The following CLCC1 variants were observed in gnomAD, a reference collection of about 807,000 sequenced individuals.
The protein encoded by CLCC1 is chloride channel CLIC like 1, also known as chloride channel CLIC-like protein 1.
In CLCC1, 39 loss-of-function variants were observed where a neutral mutation model predicts 63.3. That is an observed-to-expected ratio of 0.62 (90% CI 0.48 to 0.81). CLCC1 has a LOEUF of 0.81. Among genes scored for constraint, CLCC1 ranks in the 30% least tolerant of loss-of-function variants. The pLI is 0.00. For synonymous variants in CLCC1, 217 were observed against 239.8 expected, an observed-to-expected ratio of 0.90 and a Z score of 0.88; for missense variants, 549 against 669.4, an observed-to-expected ratio of 0.82 and a Z score of 1.98.
chr1:108,951,824 A>C (rs1009076484), intron 2 of CLCC1, among the ~76,000 whole-genome samples: 46 of 146,762 alleles, frequency 3.1e-4, no homozygotes, highest in African/African-American at 1.2e-3. Context: ...GCTGGAGTGC[A>C]GTGGCACAAT....
At chr1:108,956,890 G>T (rs1765298) in intron 2 of CLCC1, among the ~76,000 whole-genome samples, 985 of 96,080 alleles carry the variant, frequency 0.01, 7 homozygotes, top group East Asian at 0.037. Flanking sequence ...GCAGGGAGGC[G>T]GGGAGGCGGG....
intron 2 of CLCC1, among the ~76,000 whole-genome samples, chr1:108,957,869 A>C (rs1369659724): frequency 6.6e-6 from 1 of 151,418 alleles, no homozygotes; most frequent in Non-Finnish European, 1.5e-5. Flanking sequence ...TGATCTGGGT[A>C]AGATCACCAG....
Position 108,929,938 on chromosome 1 carries a change from T to C in CLCC1, c.*2609A>G. The C allele has an allele frequency of 6.2e-7, 1 of 1,612,784 alleles. No individual in the cohort carries two copies. The highest frequency in any genetic ancestry group is 8.5e-7 in the Non-Finnish European group (1 of 1,178,918). ...TTCAGGGAAAAAATCGGCAGACCAT[T>C]AGTTACTATGGATTTATTTTTTTTC... On this transcript the variant is annotated 3_prime_UTR_variant, in exon 13 of 13. Transcript: ENST00000369969.
In CLCC1 at chr1:108,930,690, A is replaced by C. The variant is rs1651798956; in HGVS notation, c.*1857T>G. 1 of 152,028 alleles carries C rather than the reference A, an allele frequency of 6.6e-6. No homozygotes were observed. Among genetic ancestry groups the C allele is most frequent in the Non-Finnish European group, 1.5e-5 (1 of 68,228 alleles). The allele number at this position is 152,028 out of a possible 1,614,324, so 9.4% of individuals were successfully genotyped here. On this transcript the variant is annotated 3_prime_UTR_variant, in exon 13 of 13. Transcript: ENST00000369969. ...GATCACTTGAGGTCGGGAGTTTGAG[A>C]CCAGCCTGGCCAACATAGTGAAACC... is the stretch of plus-strand genomic sequence containing the variant.
At chr1:108,963,336 A>G (rs1467235006) in intron 1 of CLCC1, 25 bp downstream of exon 1, 1 of 698,588 alleles carries the variant, frequency 1.4e-6, no homozygotes, top group African/African-American at 1.8e-5. Flanking sequence ...CCCGCCGCAC[A>G]ACACACCCAA....
Position 108,963,437 on chromosome 1 carries a change from C to G in CLCC1, c.-249G>C, listed in dbSNP as rs1656944488. 1 of 702,448 alleles carries G rather than the reference C, an allele frequency of 1.4e-6. No homozygotes were observed. The highest frequency in any genetic ancestry group is 2.6e-6 in the Non-Finnish European group (1 of 384,864). 43.5% of individuals were successfully genotyped at this position (702,448 alleles called of 1,614,324 possible). ...GCAGAAGAGGTCGCACAGCTTGCCGCCGCCCAGGGTTTCAGCGTGCTTCCT... is the reference window on the plus strand; with the variant it reads ...GCAGAAGAGGTCGCACAGCTTGCCGGCGCCCAGGGTTTCAGCGTGCTTCCT... On this transcript the variant is annotated 5_prime_UTR_variant, in exon 1 of 13. Coordinates refer to ENST00000369969, the MANE Select transcript of CLCC1 (RefSeq NM_001377458.1).
At chr1:108,933,190 G>C (rs1652312074) in intron 12 of CLCC1, 1 of 74,874 alleles carries the variant, frequency 1.3e-5, no homozygotes, top group Non-Finnish European at 2.7e-5. Context: ...AACACTTCCT[G>C]GATCCAAAAA....
At position 108,943,520 on chromosome 1, in the gene CLCC1, G is replaced by A. The variant is rs1441938153; in HGVS notation, c.657C>T (p.Ile219=). ...TCCATCCCAAACTGAACAGAAAGCTGATGATTAAAACACGTCTCAACTGAG... is the reference window on the plus strand; with the variant it reads ...TCCATCCCAAACTGAACAGAAAGCTAATGATTAAAACACGTCTCAACTGAG... The part of the protein sequence containing the change: ...WYTQLRRVLI[I]SFLFSLGWNW... The change falls in exon 7 of 13, where the codon ATC becomes ATT. Residue 219 remains isoleucine (I), a synonymous_variant. Coordinates refer to ENST00000369969, the MANE Select transcript of CLCC1 (RefSeq NM_001377458.1). 6.2e-7 allele frequency: 1 copy of A among 1,614,078 alleles called. No homozygotes were observed. Among genetic ancestry groups the A allele is most frequent in the Admixed American group, 1.7e-5 (1 of 60,012 alleles).
chr1:108,958,914 C>CTA (rs1195312358), intron 2 of CLCC1, among the ~76,000 whole-genome samples: 1 of 151,222 alleles, frequency 6.6e-6, no homozygotes, highest in African/African-American at 2.5e-5. Context: ...TGGCTCATGC[C>CTA]TATAATCCCA....
Position 108,934,639 on chromosome 1 carries a change from A to G in CLCC1, c.*31T>C. 1.2e-6 allele frequency: 2 copies of G among 1,602,392 alleles called. No homozygotes were observed. Among genetic ancestry groups the G allele is most frequent in the African/African-American group, 2.7e-5 (2 of 74,752 alleles). On this transcript the variant is annotated 3_prime_UTR_variant, in exon 12 of 13. Transcript: ENST00000369969. ...GTATACTTTACAAAGCTCGAAGGAG[A>G]CTTGAGGCTGTCGTTTGTGCTGGTG... is the stretch of plus-strand genomic sequence containing the variant.
intron 4 of CLCC1, among the ~76,000 whole-genome samples, chr1:108,949,060 C>T (rs545151531): frequency 6.6e-6 from 1 of 152,330 alleles, no homozygotes; most frequent in South Asian, 2.1e-4. Context: ...CTTATCCCCC[C>T]TACTTCCCTA....
chr1:108,934,321 G>C (rs754426356), intron 12 of CLCC1: 2 of 219,768 alleles, frequency 9.1e-6, no homozygotes, highest in African/African-American at 4.5e-5. Flanking sequence ...GTGGGTTCCC[G>C]TAAGTGCCTG....
intron 12 of CLCC1, chr1:108,933,608 C>T (rs939506665): frequency 2.6e-5 from 4 of 152,342 alleles, no homozygotes; most frequent in Admixed American, 6.5e-5. Context: ...AGCAGTTGAA[C>T]ATAACTTGTA....
chr1:108,963,327 C>A (rs1439490135), intron 1 of CLCC1, 34 bp downstream of exon 1: 4 of 691,698 alleles, frequency 5.8e-6, no homozygotes, highest in Non-Finnish European at 8.0e-6. Flanking sequence ...CCCGCCCCAC[C>A]CGCCGCACAA....
chr1:108,936,069 A>G (rs1652904168), intron 11 of CLCC1, among the ~76,000 whole-genome samples: 1 of 149,244 alleles, frequency 6.7e-6, no homozygotes, highest in Admixed American at 6.7e-5. Context: ...AAAAGCTGGA[A>G]GGACCATCTT....
chr1:108,944,909 G>T (rs112330393), intron 5 of CLCC1, among the ~76,000 whole-genome samples: 8 of 152,154 alleles, frequency 5.3e-5, no homozygotes, highest in Non-Finnish European at 1.2e-4. Flanking sequence ...GATTACAGGC[G>T]TGAGCCACTG....
rs980382483 is a variant in CLCC1 at position 108,941,684 on chromosome 1, C to T, written c.703-186G>A. 7.2e-5 allele frequency among the ~76,000 whole-genome samples: 11 copies of T among 152,226 alleles called. No individual in the cohort carries two copies. The East Asian group carries it at 7.7e-4, about 11-fold the overall frequency. ...CTCTTTTTTTCCTGAGACGGAGTCT[C>T]GCCCTGTCACCCACGCTGGTGTGCG... is the stretch of plus-strand genomic sequence containing the variant. On this transcript the variant is annotated intron_variant, in intron 7 of 12. Coordinates refer to ENST00000369969, the MANE Select transcript of CLCC1 (RefSeq NM_001377458.1).
At chr1:108,958,936 G>A (rs1656273924) in intron 2 of CLCC1, among the ~76,000 whole-genome samples, 1 of 151,250 alleles carries the variant, frequency 6.6e-6, no homozygotes, top group Non-Finnish European at 1.5e-5. Flanking sequence ...CACTTTGGGA[G>A]GCCGAGGTGG....
intron 10 of CLCC1, among the ~76,000 whole-genome samples, chr1:108,937,793 C>G (rs1653236090): frequency 6.6e-6 from 1 of 152,202 alleles, no homozygotes; most frequent in South Asian, 2.1e-4. Flanking sequence ...AGTTGTATAT[C>G]ATTATGTAAA....
Sources: gnomAD v4.1 joint callset for allele counts (sites outside exome capture counted in the v4.1 genomes callset) on GRCh38, gnomAD v4.1.1 for gene constraint, MANE v1.5 for transcripts, NCBI Gene and HGNC (gene_info 2026-07-23, HGNC 2026-07-21) for gene names.